The following PCDHA4 variants were observed in gnomAD, a reference collection of about 807,000 sequenced individuals.
PCDHA4 encodes protocadherin alpha 4.
Under a neutral mutation model 61.4 loss-of-function variants are expected in PCDHA4, and 49 were observed. The observed-to-expected ratio is 0.80, with a 90% CI of 0.63 to 1.01. PCDHA4 has a LOEUF of 1.01. Ranked by LOEUF, PCDHA4 falls within the 50% of genes least tolerant of loss-of-function variation. The probability of loss-of-function intolerance (pLI) is 0.00; values close to 1 mark genes in which losing one functional copy is unlikely to be tolerated. For synonymous variants in PCDHA4, 590 were observed against 550.3 expected (o/e 1.07, Z -1.01); for missense variants, 1,254 against 1,235.8 (o/e 1.01, Z -0.22).
At chr5:140,841,119 T>C (rs2150311398) in intron 1 of PCDHA4, 1 of 628,942 alleles carries the variant, frequency 1.6e-6, no homozygotes, top group African/African-American at 1.8e-5. Context: ...ATTCATGTAA[T>C]CATTACCTTT....
intron 1 of PCDHA4, among the ~76,000 whole-genome samples, chr5:140,837,556 A>G (rs1356770218): frequency 6.6e-6 from 1 of 151,974 alleles, no homozygotes; most frequent in Non-Finnish European, 1.5e-5. Flanking sequence ...GCCAAATTAT[A>G]TAAATATATT....
chr5:140,871,218 G>C, intron 1 of PCDHA4: 19 of 1,613,884 alleles, frequency 1.2e-5, no homozygotes, highest in Non-Finnish European at 1.6e-5. Context: ...CCATCTGCGT[G>C]GTGTCCAGCC....
intron 1 of PCDHA4, among the ~76,000 whole-genome samples, chr5:140,917,338 G>GGGGGGGGTGGGT (rs2078134893): frequency 7.3e-6 from 1 of 137,894 alleles, no homozygotes; most frequent in Non-Finnish European, 1.6e-5. Flanking sequence ...GGAGGGGGGG[G>GGGGGGGGTGGGT]ATGGTGTAGG....
intron 1 of PCDHA4, among the ~76,000 whole-genome samples, chr5:140,936,092 C>T (rs941947685): frequency 1.3e-5 from 2 of 152,034 alleles, no homozygotes; most frequent in Admixed American, 6.6e-5. Context: ...AGGGTTTCAC[C>T]ATGTTGGCCA....
intron 1 of PCDHA4, among the ~76,000 whole-genome samples, chr5:140,826,922 A>T (rs910520079): frequency 6.6e-6 from 1 of 152,170 alleles, no homozygotes; most frequent in Non-Finnish European, 1.5e-5. Flanking sequence ...TGAAAGACAG[A>T]TGGACTTAGG....
intron 1 of PCDHA4, among the ~76,000 whole-genome samples, chr5:140,897,173 G>A (rs1212341088): frequency 6.6e-6 from 1 of 151,926 alleles, no homozygotes; most frequent in East Asian, 1.9e-4. Context: ...CTATCTCCAT[G>A]GGTTCAAAAA....
In PCDHA4 at chr5:140,809,032, T is replaced by C. The variant is rs1554124955; in HGVS notation, c.1845T>C (p.Thr615=). ...TTTCGTACGAGCTGCAGCCGGGGAC[T>C]GGTGGCGCGCGCATCCCGTTCCGCG... ...AWLSYELQPG[T]GGARIPFRVG... The change falls in exon 1 of 4, where the codon ACT becomes ACC. Residue 615 remains threonine (T), a synonymous_variant. Transcript: ENST00000530339. The C allele has an allele frequency of 6.2e-7, 1 of 1,613,838 alleles. No individual in the cohort carries two copies. The highest frequency in any genetic ancestry group is 1.1e-5 in the South Asian group (1 of 91,074).
At chr5:140,823,381 G>A (rs2150125254) in intron 1 of PCDHA4, 1 of 1,612,786 alleles carries the variant, frequency 6.2e-7, no homozygotes, top group Non-Finnish European at 8.5e-7. Context: ...CCAGGTGAGC[G>A]CGCGCGACGC....
At chr5:141,006,678 T>C (rs1554260866) in intron 3 of PCDHA4, among the ~76,000 whole-genome samples, 1 of 151,754 alleles carries the variant, frequency 6.6e-6, no homozygotes, top group Non-Finnish European at 1.5e-5. Flanking sequence ...GCAGTGAAAA[T>C]TGGGAGAAGA....
At chr5:140,926,850 G>A (rs375350613) in intron 1 of PCDHA4, 3 of 1,517,570 alleles carry the variant, frequency 2.0e-6, no homozygotes, top group African/African-American at 2.8e-5. Flanking sequence ...CTGGGTCACC[G>A]TTGGTGTAGC....
At position 140,960,310 on chromosome 5, in the gene PCDHA4, C is replaced by A. The variant is rs143765051; in HGVS notation, c.2386-18639C>A. Among the ~76,000 whole-genome samples, 659 of 152,264 alleles carry A rather than the reference C, an allele frequency of 4.3e-3. 9 individuals are homozygous for A. Among genetic ancestry groups the A allele is most frequent in the Admixed American group, 4.1e-3 (63 of 15,288 alleles). ...CCAGTTTCTTCATCAATACCAACCTCATTAGGGTCCTGTGAGAAGTACATG... is the reference window on the plus strand; with the variant it reads ...CCAGTTTCTTCATCAATACCAACCTAATTAGGGTCCTGTGAGAAGTACATG... On this transcript the variant is annotated intron_variant, in intron 1 of 3. Transcript: ENST00000530339.
At chr5:140,947,436 G>C (rs269551) in intron 1 of PCDHA4, among the ~76,000 whole-genome samples, 37,364 of 151,424 alleles carry the variant, frequency 0.25, 5,790 homozygotes, top group African/African-American at 0.44. Flanking sequence ...TTGAAAATCA[G>C]CTGTGAAATC....
chr5:140,840,029 G>A (rs916611667), intron 1 of PCDHA4, among the ~76,000 whole-genome samples: 1 of 152,050 alleles, frequency 6.6e-6, no homozygotes, highest in African/African-American at 2.4e-5. Flanking sequence ...GTCACGTAGC[G>A]TATCTCCCAG....
At chr5:140,868,974 C>G in intron 1 of PCDHA4, 1 of 1,471,886 alleles carries the variant, frequency 6.8e-7, no homozygotes, top group Non-Finnish European at 9.1e-7. Flanking sequence ...GGAACTCCAT[C>G]ATACCGGATG....
chr5:140,853,313 T>C lies in PCDHA4; in HGVS notation c.2385+43741T>C, dbSNP rs1581310278. The C allele has an allele frequency of 3.0e-6, 3 of 984,212 alleles. 1 individual carries two copies. Among genetic ancestry groups the C allele is most frequent in the Non-Finnish European group, 1.2e-6 (1 of 816,620 alleles). 61.0% of individuals were successfully genotyped at this position (984,212 alleles called of 1,614,324 possible). A position where few individuals can be genotyped will look rare whatever the true frequency, so the allele number is the denominator to read the frequency against. On this transcript the variant is annotated intron_variant, in intron 1 of 3. Transcript: ENST00000530339. ...CTCAGAAGGGCTGTGAACACCTTAG[T>C]AATAAATTTATCTTTTGAGGTCATT...
In PCDHA4 at chr5:140,870,953, C is replaced by T. The variant is rs782232980; in HGVS notation, c.2385+61381C>T. The T allele has an allele frequency of 3.2e-5, 51 of 1,613,668 alleles. No homozygotes were observed. In the East Asian group the frequency reaches 1.0e-3, roughly 32 times the overall value. ...GAATTGCAGCCGGCGGCGGGCGGCT[C>T]GCGCATCCCGTTCCGCGTGGGGCTG... On this transcript the variant is annotated intron_variant, in intron 1 of 3. Transcript: ENST00000530339.
chr5:140,967,020 C>G (rs782147091), intron 1 of PCDHA4: 4 of 1,607,570 alleles, frequency 2.5e-6, no homozygotes, highest in African/African-American at 1.3e-5. Flanking sequence ...CTGGGTGCGC[C>G]CAGTCCGCGC....
intron 1 of PCDHA4, chr5:140,861,364 C>T (rs1581608735): frequency 2.8e-6 from 1 of 356,870 alleles, no homozygotes; most frequent in South Asian, 2.7e-5. Flanking sequence ...AGCGTCTTCG[C>T]GGTCCCTATT....
chr5:140,808,215 A>T lies in PCDHA4; in HGVS notation c.1028A>T (p.Asn343Ile). ...HCRVIVEVED[N>I]NDNVPDLEFK... ...AGAGTTATTGTGGAAGTAGAAGACA[A>T]CAACGATAATGTCCCAGATTTGGAA... The change falls in exon 1 of 4, where the codon AAC (asparagine) becomes ATC (isoleucine). Residue 343 changes from asparagine to isoleucine, a missense_variant. Coordinates refer to ENST00000530339, the MANE Select transcript of PCDHA4 (RefSeq NM_018907.4). The T allele has an allele frequency of 6.2e-7, 1 of 1,614,260 alleles. No homozygotes were observed. The highest frequency in any genetic ancestry group is 8.5e-7 in the Non-Finnish European group (1 of 1,180,042).
Sources: allele counts gnomAD v4.1 joint callset (sites outside exome capture counted in the v4.1 genomes callset), GRCh38; gene constraint gnomAD v4.1.1; transcripts MANE v1.5; gene names NCBI Gene and HGNC (gene_info 2026-07-23, HGNC 2026-07-21).